PIK3C3: variants seen among roughly 807,000 people sequenced by gnomAD.
PIK3C3 encodes phosphatidylinositol 3-kinase catalytic subunit type 3.
A neutral mutation model predicts 126.1 loss-of-function variants in PIK3C3; 95 were observed. The observed-to-expected ratio is 0.75, with a 90% CI of 0.64 to 0.89. PIK3C3 has a LOEUF of 0.89. PIK3C3 is among the 40% of genes least tolerant of loss of function. The pLI is 0.00. For missense variants in PIK3C3, 829 were observed against 1,063.2 expected, an observed-to-expected ratio of 0.78 and a Z score of 3.06; for synonymous variants, 374 against 360.0, an observed-to-expected ratio of 1.04 and a Z score of -0.44.
intron 23 of PIK3C3, among the ~76,000 whole-genome samples, chr18:42,065,926 A>G (rs1331464304): frequency 1.3e-5 from 2 of 152,228 alleles, no homozygotes; most frequent in African/African-American, 4.8e-5. Flanking sequence ...TGCCAAGTGT[A>G]TACCTTCTCT....
At chr18:42,068,889 G>A (rs1277077607) in intron 24 of PIK3C3, among the ~76,000 whole-genome samples, 1 of 151,328 alleles carries the variant, frequency 6.6e-6, no homozygotes, top group Non-Finnish European at 1.5e-5. Context: ...GGCGGAGGTT[G>A]CGGTGAGCTG....
Position 42,064,847 on chromosome 18 carries a change from A to G in PIK3C3, c.2523+17A>G, listed in dbSNP as rs1465081985. On this transcript the variant is annotated intron_variant, in intron 23 of 24. Coordinates refer to ENST00000262039, the MANE Select transcript of PIK3C3 (RefSeq NM_002647.4). ...GTGAAAAAGGTAATTTTTAAGTAAC[A>G]TAAATGAAGAGCTCTTCTGTATAAT... 5.6e-6 allele frequency: 7 copies of G among 1,245,046 alleles called. No homozygotes were observed. Among genetic ancestry groups the G allele is most frequent in the Admixed American group, 5.1e-5 (3 of 58,930 alleles). 77.1% of individuals were successfully genotyped at this position (1,245,046 alleles called of 1,614,324 possible). A position where few individuals can be genotyped will look rare whatever the true frequency, so the allele number is the denominator to read the frequency against.
At chr18:42,004,107 C>A (rs1005977613) in intron 9 of PIK3C3, among the ~76,000 whole-genome samples, 3 of 152,090 alleles carry the variant, frequency 2.0e-5, no homozygotes, top group African/African-American at 7.2e-5. Context: ...AAAGCCAAAA[C>A]AAATTAAAAA....
intron 22 of PIK3C3, chr18:42,059,719 T>C (rs1412460168): frequency 6.6e-6 from 1 of 152,142 alleles, no homozygotes. Context: ...TGTTTAACTT[T>C]TAAAAATTTC....
intron 2 of PIK3C3, among the ~76,000 whole-genome samples, chr18:41,958,075 A>G (rs1350943368): frequency 2.8e-4 from 42 of 152,246 alleles, no homozygotes; most frequent in Admixed American, 2.7e-3. Flanking sequence ...TCTTGAATGC[A>G]TAAATACTTC....
chr18:41,962,205 A>G (rs1980123306), intron 2 of PIK3C3, among the ~76,000 whole-genome samples: 1 of 151,920 alleles, frequency 6.6e-6, no homozygotes, highest in Admixed American at 6.6e-5. Flanking sequence ...ATGTTTTCCC[A>G]GGTTTTTTTC....
At chr18:42,068,949 C>CA (rs35657662) in intron 24 of PIK3C3, among the ~76,000 whole-genome samples, 26,849 of 81,776 alleles carry the variant, frequency 0.33, 3,572 homozygotes, top group South Asian at 0.45. Context: ...GACTCCGTCT[C>CA]AAAAAAAAAA....
chr18:42,023,935 A>T (rs1474068874), intron 13 of PIK3C3, among the ~76,000 whole-genome samples: 1 of 152,202 alleles, frequency 6.6e-6, no homozygotes, highest in East Asian at 1.9e-4. Context: ...ATAGTTGTGC[A>T]GACAATCCTT....
Position 42,081,330 on chromosome 18 carries a change from G to GCT in PIK3C3, c.*193_*194insCT. On this transcript the variant is annotated 3_prime_UTR_variant, in exon 25 of 25. Transcript: ENST00000262039. ...GTCATTGCTTAAATATAGTCTTGAAGGGCTTGTTTTGAAATATTGTATATA... is the reference window on the plus strand; with the variant it reads ...GTCATTGCTTAAATATAGTCTTGAAGCTGGCTTGTTTTGAAATATTGTATATA... The GCT allele has an allele frequency of 2.3e-6, 1 of 443,532 alleles. No individual in the cohort carries two copies. The highest frequency in any genetic ancestry group is 4.1e-6 in the Non-Finnish European group (1 of 243,040). 27.5% of individuals were successfully genotyped at this position (443,532 alleles called of 1,614,324 possible).
chr18:41,962,006 C>T (rs918491704), intron 2 of PIK3C3, among the ~76,000 whole-genome samples: 2 of 152,124 alleles, frequency 1.3e-5, no homozygotes, highest in Non-Finnish European at 2.9e-5. Flanking sequence ...AGTCTGGTAA[C>T]TTCATGTGAT....
At chr18:41,993,549 G>A (rs1170285690) in intron 7 of PIK3C3, among the ~76,000 whole-genome samples, 2 of 152,092 alleles carry the variant, frequency 1.3e-5, no homozygotes, top group Non-Finnish European at 2.9e-5. Context: ...TAAGGGTAGA[G>A]TAGGGTTGGG....
At chr18:41,977,838 T>C (rs1318272071) in intron 4 of PIK3C3, among the ~76,000 whole-genome samples, 1 of 152,228 alleles carries the variant, frequency 6.6e-6, no homozygotes, top group Non-Finnish European at 1.5e-5. Flanking sequence ...GCTATGATGG[T>C]AACGAAGTCT....
chr18:42,000,684 G>A (rs1982243122), intron 9 of PIK3C3, among the ~76,000 whole-genome samples: 2 of 152,108 alleles, frequency 1.3e-5, no homozygotes, highest in South Asian at 4.1e-4. Context: ...GACTGGGGAG[G>A]CCTCACAATC....
At chr18:41,996,981 A>T (rs1002447671) in intron 9 of PIK3C3, among the ~76,000 whole-genome samples, 3 of 152,220 alleles carry the variant, frequency 2.0e-5, no homozygotes, top group African/African-American at 7.2e-5. Context: ...CGTTTTCCAG[A>T]AGTACATTTT....
intron 23 of PIK3C3, among the ~76,000 whole-genome samples, chr18:42,067,106 C>T (rs939862415): frequency 6.6e-6 from 1 of 152,052 alleles, no homozygotes; most frequent in South Asian, 2.1e-4. Flanking sequence ...AGCAGTTTTT[C>T]TGTTTTTGAG....
intron 3 of PIK3C3, among the ~76,000 whole-genome samples, chr18:41,969,518 T>G (rs1980546790): frequency 6.6e-6 from 1 of 152,208 alleles, no homozygotes; most frequent in Non-Finnish European, 1.5e-5. Context: ...TGTTTCACTT[T>G]GAAGCAGGAT....
At chr18:42,006,209 C>A (rs1471651237) in intron 10 of PIK3C3, among the ~76,000 whole-genome samples, 3 of 151,140 alleles carry the variant, frequency 2.0e-5, no homozygotes, top group Non-Finnish European at 4.4e-5. Context: ...TGCAGATGAA[C>A]AGCTAGTTGA....
intron 24 of PIK3C3, among the ~76,000 whole-genome samples, chr18:42,077,491 G>A (rs986722276): frequency 2.0e-5 from 3 of 152,184 alleles, no homozygotes; most frequent in Admixed American, 6.5e-5. Flanking sequence ...AATGTTCAAA[G>A]CATCTTCACC....
intron 21 of PIK3C3, chr18:42,052,763 A>C (rs1329226547): frequency 3.3e-5 from 5 of 152,196 alleles, no homozygotes; most frequent in Non-Finnish European, 7.4e-5. Context: ...AATATATTCC[A>C]ATGTTTTTAG....
Sources: allele counts gnomAD v4.1 joint callset (sites outside exome capture counted in the v4.1 genomes callset), GRCh38; gene constraint gnomAD v4.1.1; transcripts MANE v1.5; gene names NCBI Gene and HGNC (gene_info 2026-07-23, HGNC 2026-07-21).